PID1: variants seen among roughly 807,000 people sequenced by gnomAD.
PID1 encodes the protein phosphotyrosine interaction domain containing 1.
In PID1, 10 loss-of-function variants were observed where a neutral mutation model predicts 19.1. The ratio of observed to expected loss-of-function variants is 0.52; its 90% confidence interval spans 0.32 to 0.89. PID1 has a LOEUF of 0.89. Among genes scored for constraint, PID1 ranks in the 40% least tolerant of loss-of-function variants. PID1 has a pLI of 0.03. For missense variants in PID1, 248 were observed against 285.3 expected (o/e 0.87, Z 0.94); for synonymous variants, 130 against 116.0 (o/e 1.12, Z -0.78).
At chr2:229,070,823 A>G (rs555715203) in intron 2 of PID1, among the ~76,000 whole-genome samples, 9 of 152,306 alleles carry the variant, frequency 5.9e-5, no homozygotes, top group Non-Finnish European at 8.8e-5. Context: ...CACAAGGGAA[A>G]AAGCACCAGG....
chr2:229,078,278 C>T (rs1284268618), intron 2 of PID1, among the ~76,000 whole-genome samples: 2 of 152,228 alleles, frequency 1.3e-5, no homozygotes, highest in Non-Finnish European at 2.9e-5. Context: ...AATTGCCTAA[C>T]AGCTTAAGGG....
At chr2:229,163,682 CGT>C (rs78599845) in intron 1 of PID1, among the ~76,000 whole-genome samples, 14,024 of 51,030 alleles carry the variant, frequency 0.27, 898 homozygotes, top group South Asian at 0.53. Flanking sequence ...TGTGCGTGTG[CGT>C]GTGTGTGTGT....
chr2:229,029,167 G>A (rs1449049897), intron 2 of PID1, among the ~76,000 whole-genome samples: 3 of 151,402 alleles, frequency 2.0e-5, no homozygotes, highest in South Asian at 2.1e-4. Flanking sequence ...ACCAAACCTC[G>A]GCAACACGCA....
intron 1 of PID1, among the ~76,000 whole-genome samples, chr2:229,182,851 C>T (rs1690976468): frequency 6.6e-6 from 1 of 152,164 alleles, no homozygotes; most frequent in Non-Finnish European, 1.5e-5. Context: ...TGCCTTAACC[C>T]CCAAGTGGGC....
At chr2:229,095,973 G>C (rs982627722) in intron 2 of PID1, among the ~76,000 whole-genome samples, 1 of 152,106 alleles carries the variant, frequency 6.6e-6, no homozygotes, top group African/African-American at 2.4e-5. Context: ...TAAATGATGA[G>C]TTTCATCTTG....
chr2:229,147,431 T>C (rs1690158158), intron 2 of PID1, among the ~76,000 whole-genome samples: 1 of 152,234 alleles, frequency 6.6e-6, no homozygotes, highest in African/African-American at 2.4e-5. Flanking sequence ...AGTGTATCCC[T>C]AGTTTTATTA....
intron 2 of PID1, among the ~76,000 whole-genome samples, chr2:229,102,791 G>A (rs890341195): frequency 6.6e-6 from 1 of 152,204 alleles, no homozygotes; most frequent in Non-Finnish European, 1.5e-5. Context: ...GCCAGTCACA[G>A]AGTGCCCTGG....
chr2:229,133,210 C>T (rs1262624366), intron 2 of PID1, among the ~76,000 whole-genome samples: 3 of 152,102 alleles, frequency 2.0e-5, no homozygotes, highest in Admixed American at 1.3e-4. Flanking sequence ...CACCTTGATC[C>T]GATAATAACT....
intron 2 of PID1, among the ~76,000 whole-genome samples, chr2:229,063,337 C>A (rs532220542): frequency 1.8e-3 from 277 of 152,060 alleles, no homozygotes; most frequent in African/African-American, 6.4e-3. Flanking sequence ...TTTCATTTGT[C>A]TCAAGATGTT....
chr2:229,032,786 A>G (rs1693582901), intron 2 of PID1, among the ~76,000 whole-genome samples: 1 of 152,200 alleles, frequency 6.6e-6, no homozygotes, highest in African/African-American at 2.4e-5. Flanking sequence ...GCATAAACTG[A>G]TCTCCCAAAC....
intron 2 of PID1, among the ~76,000 whole-genome samples, chr2:229,108,176 C>T (rs536924846): frequency 2.0e-5 from 3 of 152,366 alleles, no homozygotes; most frequent in Non-Finnish European, 2.9e-5. Flanking sequence ...CTGGGTTAGA[C>T]TCCTATGTAA....
chr2:229,162,910 G>A (rs897151071), intron 1 of PID1, among the ~76,000 whole-genome samples: 15 of 151,970 alleles, frequency 9.9e-5, no homozygotes, highest in Non-Finnish European at 1.9e-4. Flanking sequence ...CTGCTTTTAA[G>A]CATTTATTCT....
At chr2:229,220,057 T>C (rs980388625) in intron 1 of PID1, among the ~76,000 whole-genome samples, 1 of 151,636 alleles carries the variant, frequency 6.6e-6, no homozygotes, top group Admixed American at 6.6e-5. Flanking sequence ...CCTCATTCTG[T>C]CACTCAGGCT....
intron 1 of PID1, among the ~76,000 whole-genome samples, chr2:229,254,963 G>T (rs919969898): frequency 1.3e-5 from 2 of 152,138 alleles, no homozygotes; most frequent in Admixed American, 1.3e-4. Context: ...GGGTTTAAAA[G>T]GTGCTACAGG....
intron 1 of PID1, among the ~76,000 whole-genome samples, chr2:229,239,662 G>C (rs765809089): frequency 2.0e-5 from 3 of 152,122 alleles, no homozygotes; most frequent in Non-Finnish European, 4.4e-5. Context: ...TATATTCAAA[G>C]AGAAGGTCAT....
intron 2 of PID1, among the ~76,000 whole-genome samples, chr2:229,116,203 G>A (rs146171570): frequency 0.12 from 18,865 of 152,036 alleles, 1,394 homozygotes; most frequent in South Asian, 0.26. Flanking sequence ...CTCCAGCCTG[G>A]GTGACAGAGC....
intron 2 of PID1, among the ~76,000 whole-genome samples, chr2:229,036,114 A>G (rs1693657418): frequency 6.6e-6 from 1 of 152,170 alleles, no homozygotes; most frequent in Non-Finnish European, 1.5e-5. Context: ...TGCATTGTAT[A>G]TCAACATACT....
At chr2:229,032,655 T>C (rs1483944584) in intron 2 of PID1, among the ~76,000 whole-genome samples, 3 of 152,190 alleles carry the variant, frequency 2.0e-5, no homozygotes, top group Admixed American at 1.3e-4. Context: ...TAGCTGGAAA[T>C]TGCGGTAAAT....
At chr2:229,129,644 G>A (rs537335354) in intron 2 of PID1, among the ~76,000 whole-genome samples, 1 of 152,262 alleles carries the variant, frequency 6.6e-6, no homozygotes, top group South Asian at 2.1e-4. Context: ...TATCTCAGAA[G>A]AGTAGTTATG....
Sources: gnomAD v4.1 joint callset for allele counts (sites outside exome capture counted in the v4.1 genomes callset) on GRCh38, gnomAD v4.1.1 for gene constraint, MANE v1.5 for transcripts, NCBI Gene and HGNC (gene_info 2026-07-23, HGNC 2026-07-21) for gene names.